Variants in CNTRL observed in about 807,000 individuals in gnomAD.
CNTRL encodes the protein centriolin, also known as 110 kDa centrosomal protein.
In CNTRL, 233 loss-of-function variants were observed where a neutral mutation model predicts 303.7. The observed-to-expected ratio is 0.77, with a 90% CI of 0.69 to 0.86. The LOEUF (loss-of-function observed/expected upper bound fraction) is 0.86. Ranked by LOEUF, CNTRL falls within the 40% of genes least tolerant of loss-of-function variation. The pLI, the probability that CNTRL is intolerant of heterozygous loss-of-function variation, is 0.00. For synonymous variants in CNTRL, 900 were observed against 922.2 expected, an observed-to-expected ratio of 0.98 and a Z score of 0.44; for missense variants, 2,524 against 2,650.6, an observed-to-expected ratio of 0.95 and a Z score of 1.05.
intron 42 of CNTRL, among the ~76,000 whole-genome samples, chr9:121,174,508 T>C (rs1253345652): frequency 1.3e-5 from 2 of 152,258 alleles, no homozygotes; most frequent in Admixed American, 1.3e-4. Context: ...ATTCCCATCA[T>C]TGCAGAAAGT....
intron 20 of CNTRL, among the ~76,000 whole-genome samples, chr9:121,144,575 G>A (rs919201234): frequency 6.6e-6 from 1 of 152,210 alleles, no homozygotes; most frequent in Non-Finnish European, 1.5e-5. Context: ...TGAGAGCCCA[G>A]AGAGACATAA....
chr9:121,138,447 GCA>G, intron 15 of CNTRL, 96 bp from the exon 16 acceptor site: 2 of 1,220,314 alleles, frequency 1.6e-6, no homozygotes. Flanking sequence ...ACTATAGCTA[GCA>G]AGGGATTGTG....
chr9:121,140,752 A>G lies in CNTRL; in HGVS notation c.2449A>G (p.Arg817Gly). ...AGTGGCAGCTCGTGTGGATGAGCTA[A>G]GAAGAAAACTGAAATTAGGAACTGG... is the stretch of plus-strand genomic sequence containing the variant. ...EEVAARVDEL[R>G]RKLKLGTGEM... The change falls in exon 17 of 44, where the codon AGA becomes GGA. Residue 817 changes from arginine to glycine, a missense_variant. Coordinates refer to ENST00000373855, the MANE Select transcript of CNTRL (RefSeq NM_007018.6). 6.2e-7 allele frequency: 1 copy of G among 1,613,084 alleles called. No individual in the cohort carries two copies. The highest frequency in any genetic ancestry group is 8.5e-7 in the Non-Finnish European group (1 of 1,179,248).
At chr9:121,166,245 A>G in intron 36 of CNTRL, 65 bp downstream of exon 36, 1 of 1,172,470 alleles carries the variant, frequency 8.5e-7, no homozygotes, top group Non-Finnish European at 1.2e-6. Context: ...GGTTTAAATA[A>G]CAAAGAAATC....
chr9:121,113,751 T>A (rs916672062), intron 10 of CNTRL, 27 bp downstream of exon 10: 57 of 1,327,408 alleles, frequency 4.3e-5, no homozygotes, highest in South Asian at 1.1e-4. Flanking sequence ...TTAAATTCTT[T>A]AAAAAAAAAT....
At chr9:121,086,482 A>G (rs899281369) in intron 2 of CNTRL, among the ~76,000 whole-genome samples, 2 of 152,224 alleles carry the variant, frequency 1.3e-5, no homozygotes, top group African/African-American at 2.4e-5. Flanking sequence ...GAGATCAAGC[A>G]TTATTATTAC....
rs915786866 is a variant in CNTRL, at chr9:121,173,378, G to T, written c.6553G>T (p.Asp2185Tyr). The change falls in exon 41 of 44, where the codon GAT becomes TAT. Residue 2185 changes from aspartate (D) to tyrosine (Y), a missense_variant. Physicochemically the swap from Asp to Tyr is radical, Grantham distance 160. Coordinates refer to ENST00000373855, the MANE Select transcript of CNTRL (RefSeq NM_007018.6). ...LNQFLPELPADLEAILERNEN... is the reference protein window; with the variant it reads ...LNQFLPELPAYLEAILERNEN... The stretch of plus-strand genomic sequence containing the variant: ...TCAGTTTCTTCCAGAACTACCAGCA[G>T]ATCTAGAAGCTATTTTGGAAAGAAA... 6.2e-7 allele frequency: 1 copy of T among 1,614,152 alleles called. No individual in the cohort carries two copies.
Position 121,125,921 on chromosome 9 carries a change from A to C in CNTRL, c.2010A>C (p.Ala670=). The C allele has an allele frequency of 6.2e-7, 1 of 1,614,000 alleles. No individual in the cohort carries two copies. The highest frequency in any genetic ancestry group is 8.5e-7 in the Non-Finnish European group (1 of 1,179,804). The change falls in exon 14 of 44, where the codon GCA becomes GCC. Residue 670 remains alanine (A), a synonymous_variant. Transcript: ENST00000373855. ...AGCTGGAAATAGTTGCCATGGATGC[A>C]GAAAATATGAGGAAGGTATGATTTT... ...RDQLEIVAMD[A]ENMRKELAEL...
At chr9:121,133,647 C>T (rs1451941111) in intron 14 of CNTRL, among the ~76,000 whole-genome samples, 2 of 152,204 alleles carry the variant, frequency 1.3e-5, no homozygotes, top group Non-Finnish European at 2.9e-5. Flanking sequence ...GGTCGCCCTC[C>T]ATGGGCTGCA....
chr9:121,095,866 A>G (rs1290139325), intron 5 of CNTRL, among the ~76,000 whole-genome samples: 1 of 152,238 alleles, frequency 6.6e-6, no homozygotes, highest in Non-Finnish European at 1.5e-5. Context: ...CAAATAAATT[A>G]GAAGTGACTT....
At chr9:121,176,777 TTTTA>T (rs1310964881) in intron 43 of CNTRL, among the ~76,000 whole-genome samples, 1 of 152,152 alleles carries the variant, frequency 6.6e-6, no homozygotes, top group East Asian at 1.9e-4. Context: ...GAGCGTAACA[TTTTA>T]TTTCCCTTTT....
chr9:121,119,399 G>A (rs1221023025), intron 12 of CNTRL, among the ~76,000 whole-genome samples: 4 of 150,824 alleles, frequency 2.7e-5, no homozygotes, highest in African/African-American at 7.3e-5. Context: ...AGGTTCAAGC[G>A]ATTCTCCTGC....
At chr9:121,092,356 C>T (rs2048615136) in intron 4 of CNTRL, among the ~76,000 whole-genome samples, 1 of 140,024 alleles carries the variant, frequency 7.1e-6, no homozygotes, top group Non-Finnish European at 1.5e-5. Context: ...AATGAGAGTG[C>T]GACTGAGGAG....
At chr9:121,171,234 C>T (rs1321090523) in intron 39 of CNTRL, 174 bp from the exon 40 acceptor site, 16 of 703,526 alleles carry the variant, frequency 2.3e-5, no homozygotes, top group Non-Finnish European at 3.1e-5. Flanking sequence ...CGTGTATATA[C>T]GCCCAGCTGT....
At chr9:121,125,419 A>G (rs1020626625) in intron 13 of CNTRL, among the ~76,000 whole-genome samples, 1 of 152,122 alleles carries the variant, frequency 6.6e-6, no homozygotes, top group African/African-American at 2.4e-5. Context: ...TTGGCCTCCC[A>G]AAGTGCTGGG....
intron 14 of CNTRL, among the ~76,000 whole-genome samples, chr9:121,131,864 A>G (rs1352053194): frequency 6.6e-6 from 1 of 152,140 alleles, no homozygotes; most frequent in Non-Finnish European, 1.5e-5. Context: ...CTTGTCTGTA[A>G]AGGATTTTAT....
chr9:121,144,862 G>C lies in CNTRL; in HGVS notation c.3071G>C (p.Arg1024Thr), dbSNP rs1027959822. 1.2e-6 allele frequency: 2 copies of C among 1,613,154 alleles called. No individual in the cohort carries two copies. Among genetic ancestry groups the C allele is most frequent in the Admixed American group, 3.3e-5 (2 of 59,998 alleles). Residue 1024 changes from arginine to threonine, a missense_variant, in exon 21 of 44, where the codon AGG becomes ACG. Physicochemically the swap from Arg to Thr is moderately conservative, Grantham distance 71 (BLOSUM62 -1). Coordinates refer to ENST00000373855, the MANE Select transcript of CNTRL (RefSeq NM_007018.6). The stretch of plus-strand genomic sequence containing the variant: ...CAGTAGGAGTTGCAGGAAGCAGAGA[G>C]GTTCAGCAGAAAGGCAGCACAAGCA... ...ERAEELQEAERFSRKAAQAAR... is the reference protein window; with the variant it reads ...ERAEELQEAETFSRKAAQAAR...
chr9:121,105,230 C>T (rs1034912200), intron 7 of CNTRL, among the ~76,000 whole-genome samples: 18 of 151,988 alleles, frequency 1.2e-4, no homozygotes, highest in Non-Finnish European at 2.5e-4. Flanking sequence ...AGGTTGGAAA[C>T]GTTTATGGCC....
rs1466248672 is a variant in CNTRL, at chr9:121,160,249, AAG to A, written c.5039_5040del (p.Glu1680GlyfsTer13). 2 of 1,560,832 alleles carry A rather than the reference AAG, an allele frequency of 1.3e-6. No homozygotes were observed. The highest frequency in any genetic ancestry group is 4.8e-5 in the East Asian group (2 of 42,034). ...ACACTTATAAAGCAGGAAATTGAAA[AAG>A]AGGAAGAAAATCTTCAGGTTGTTTT... On this transcript the variant is annotated frameshift_variant, in exon 32 of 44. Coordinates refer to ENST00000373855, the MANE Select transcript of CNTRL (RefSeq NM_007018.6). LOFTEE classifies it high-confidence loss of function.
Sources: gnomAD v4.1 joint callset for allele counts (sites outside exome capture counted in the v4.1 genomes callset) on GRCh38, gnomAD v4.1.1 for gene constraint, MANE v1.5 for transcripts, NCBI Gene and HGNC (gene_info 2026-07-23, HGNC 2026-07-21) for gene names.